PTPRD: variants seen among roughly 807,000 people sequenced by gnomAD.
PTPRD encodes receptor-type tyrosine-protein phosphatase delta.
PTPRD carries 34 observed loss-of-function variants against 214.5 expected under a neutral mutation model. That is an observed-to-expected ratio of 0.16 (90% CI 0.12 to 0.21). The LOEUF (loss-of-function observed/expected upper bound fraction) is 0.21, where lower values mean the gene tolerates loss of function less well. Ranked by LOEUF, PTPRD falls within the 10% of genes least tolerant of loss-of-function variation. The probability of loss-of-function intolerance (pLI) is 1.00; values close to 1 mark genes in which losing one functional copy is unlikely to be tolerated. For missense variants in PTPRD, 2,545 were observed against 2,398.7 expected (o/e 1.06, Z -1.27); for synonymous variants, 1,128 against 845.7 (o/e 1.33, Z -5.79).
intron 12 of PTPRD, among the ~76,000 whole-genome samples, chr9:8,678,924 A>T (rs576962216): frequency 2.6e-5 from 4 of 152,234 alleles, no homozygotes; most frequent in African/African-American, 9.6e-5. Context: ...AAAGAATAAA[A>T]TGTTTCATGC....
rs2043901368 is a variant in PTPRD at position 9,335,073 on chromosome 9, A to C, written c.-203+62376T>G. ...ATATGCTCATCTTGTAGTTAACTGC[A>C]GCTCAGACTAATATTAATATTCTCC... On this transcript the variant is annotated intron_variant, in intron 9 of 45. Transcript: ENST00000381196. Among the ~76,000 whole-genome samples the C allele has an allele frequency of 5.9e-5, 9 of 152,200 alleles. No individual in the cohort carries two copies. In the South Asian group the frequency reaches 1.9e-3, roughly 32 times the overall value.
At chr9:9,211,747 G>GTGCTTTGCA (rs1427271448) in intron 9 of PTPRD, among the ~76,000 whole-genome samples, 3 of 151,716 alleles carry the variant, frequency 2.0e-5, no homozygotes, top group Non-Finnish European at 4.4e-5. Context: ...GCTCTTTGTT[G>GTGCTTTGCA]TGCTTTGCAC....
intron 3 of PTPRD, among the ~76,000 whole-genome samples, chr9:10,056,077 C>G (rs2154160184): frequency 6.6e-6 from 1 of 151,724 alleles, no homozygotes; most frequent in South Asian, 2.1e-4. Flanking sequence ...AATTCTAGCA[C>G]TTGGGGAGGC....
rs74358633 is a variant in PTPRD at position 8,792,232 on chromosome 9, T to C, written c.-103-58286A>G. 2.9e-3 allele frequency among the ~76,000 whole-genome samples: 440 copies of C among 152,314 alleles called. 10 individuals are homozygous for C. In the East Asian group the frequency reaches 0.031, roughly 11 times the overall value. On this transcript the variant is annotated intron_variant, in intron 11 of 45. Transcript: ENST00000381196. ...TTGGTAAATGGTCTCCAGTCACCTA[T>C]TGTACTACAGAGATTGTTACTTTGA...
At chr9:8,898,742 A>G (rs1033530240) in intron 11 of PTPRD, among the ~76,000 whole-genome samples, 5 of 152,170 alleles carry the variant, frequency 3.3e-5, no homozygotes, top group African/African-American at 9.7e-5. Context: ...ATATTGTTCA[A>G]TTATTACTAA....
chr9:10,146,443 G>C lies in PTPRD; in HGVS notation c.-544-112653C>G, dbSNP rs543768527. 1.2e-4 allele frequency among the ~76,000 whole-genome samples: 19 copies of C among 152,136 alleles called. No homozygotes were observed. The South Asian group carries it at 3.7e-3, about 30-fold the overall frequency. Reference sequence around the variant, plus strand: ...TAAACAAATATATAAAATAATTTCAGATGATGATATTTACACTTAAAGTGG... The same window carrying C: ...TAAACAAATATATAAAATAATTTCACATGATGATATTTACACTTAAAGTGG... On this transcript the variant is annotated intron_variant, in intron 3 of 45. Transcript: ENST00000381196.
At chr9:8,617,020 A>T (rs1003256567) in intron 14 of PTPRD, among the ~76,000 whole-genome samples, 3 of 152,044 alleles carry the variant, frequency 2.0e-5, no homozygotes, top group Admixed American at 2.0e-4. Flanking sequence ...TGTGAGTACA[A>T]CCGTACTCTA....
At chr9:8,504,479 C>T in intron 22 of PTPRD, 74 bp from the exon 23 acceptor site, 1 of 1,501,472 alleles carries the variant, frequency 6.7e-7, no homozygotes. Context: ...CTGTCTGGAC[C>T]ATCAGATTTC....
intron 10 of PTPRD, among the ~76,000 whole-genome samples, chr9:9,110,490 A>G (rs1164431218): frequency 6.6e-6 from 1 of 152,116 alleles, no homozygotes; most frequent in South Asian, 2.1e-4. Flanking sequence ...CATATTCAGT[A>G]TGCTCCAAAT....
chr9:9,808,722 G>T (rs2046208861), intron 5 of PTPRD, among the ~76,000 whole-genome samples: 1 of 151,872 alleles, frequency 6.6e-6, no homozygotes, highest in African/African-American at 2.4e-5. Context: ...CTCTAAAATT[G>T]CCTAGAGACC....
At chr9:10,093,480 T>C (rs971091436) in intron 3 of PTPRD, among the ~76,000 whole-genome samples, 1 of 151,516 alleles carries the variant, frequency 6.6e-6, no homozygotes, top group South Asian at 2.1e-4. Context: ...AAAACGGGAA[T>C]GCTTATACTC....
At chr9:9,028,958 G>T (rs1027202138) in intron 10 of PTPRD, among the ~76,000 whole-genome samples, 3 of 151,870 alleles carry the variant, frequency 2.0e-5, no homozygotes, top group Non-Finnish European at 4.4e-5. Context: ...ATTTTGTAGA[G>T]CTGCGTTGTC....
intron 10 of PTPRD, among the ~76,000 whole-genome samples, chr9:9,101,705 C>T (rs1014140730): frequency 1.3e-5 from 2 of 152,190 alleles, no homozygotes; most frequent in African/African-American, 2.4e-5. Context: ...GTGCCTGTCA[C>T]TTATGCATGT....
intron 3 of PTPRD, among the ~76,000 whole-genome samples, chr9:10,213,401 C>T (rs1237654420): frequency 6.6e-6 from 1 of 152,024 alleles, no homozygotes; most frequent in East Asian, 1.9e-4. Flanking sequence ...CAGACCAAGG[C>T]TTATAAGAAG....
chr9:9,920,448 G>C (rs188169612), intron 5 of PTPRD, among the ~76,000 whole-genome samples: 311 of 152,236 alleles, frequency 2.0e-3, no homozygotes, highest in Non-Finnish European at 1.7e-3. Flanking sequence ...TAAGGTCACA[G>C]CAGGGAGGCT....
At chr9:10,333,173 T>G (rs2096782219) in intron 3 of PTPRD, among the ~76,000 whole-genome samples, 1 of 151,672 alleles carries the variant, frequency 6.6e-6, no homozygotes, top group Non-Finnish European at 1.5e-5. Context: ...GGCATGGAAG[T>G]AAGAGTTGTG....
At position 9,754,714 on chromosome 9, in the gene PTPRD, A is replaced by G. The variant is rs1320864766; in HGVS notation, c.-326+12096T>C. 2.0e-5 allele frequency among the ~76,000 whole-genome samples: 3 copies of G among 152,186 alleles called. No individual in the cohort carries two copies. In the East Asian group the frequency reaches 5.8e-4, roughly 29 times the overall value. ...TTTGTTTCTTCTACTTGTTACAGGC[A>G]GTTGGACTATATTCTAAAAAGAAAG... On this transcript the variant is annotated intron_variant, in intron 6 of 45. Coordinates refer to ENST00000381196, the MANE Select transcript of PTPRD (RefSeq NM_002839.4).
intron 10 of PTPRD, among the ~76,000 whole-genome samples, chr9:9,024,664 G>C (rs943905468): frequency 1.3e-5 from 2 of 151,220 alleles, no homozygotes; most frequent in Non-Finnish European, 2.9e-5. Flanking sequence ...GTGTTTCTTT[G>C]GTTACCAGTT....
chr9:8,543,727 T>A (rs1312245495), intron 14 of PTPRD, among the ~76,000 whole-genome samples: 1 of 152,190 alleles, frequency 6.6e-6, no homozygotes, highest in Non-Finnish European at 1.5e-5. Context: ...CTTTTTTTCT[T>A]TTTGAGACAG....
Sources: allele counts gnomAD v4.1 joint callset (sites outside exome capture counted in the v4.1 genomes callset), GRCh38; gene constraint gnomAD v4.1.1; transcripts MANE v1.5; gene names NCBI Gene and HGNC (gene_info 2026-07-23, HGNC 2026-07-21).